The following DENND5B variants were observed in gnomAD, a reference collection of about 807,000 sequenced individuals.
DENND5B encodes the protein DENN domain-containing protein 5B.
DENND5B carries 34 observed loss-of-function variants against 140.6 expected under a neutral mutation model. The ratio of observed to expected loss-of-function variants is 0.24; its 90% confidence interval spans 0.18 to 0.32. The LOEUF is 0.32. DENND5B is among the 10% of genes least tolerant of loss of function. DENND5B has a pLI of 1.00. For synonymous variants in DENND5B, 551 were observed against 562.1 expected (o/e 0.98, Z 0.28); for missense variants, 1,142 against 1,560.2 (o/e 0.73, Z 4.52).
rs546182396 is a variant in DENND5B, at chr12:31,511,084, A to T, written c.128-15165T>A. On this transcript the variant is annotated intron_variant, in intron 1 of 20. Coordinates refer to ENST00000389082, the MANE Select transcript of DENND5B (RefSeq NM_144973.4). ...CCATCTCTGCAAAAAAATTTTTTTTAAAAAATTAGCCAGGCATGGTGGCAT... is the reference window on the plus strand; with the variant it reads ...CCATCTCTGCAAAAAAATTTTTTTTTAAAAATTAGCCAGGCATGGTGGCAT... 2.4e-3 allele frequency among the ~76,000 whole-genome samples: 369 copies of T among 152,128 alleles called. 1 individual carries two copies. The highest frequency in any genetic ancestry group is 3.5e-3 in the Non-Finnish European group (241 of 67,990).
rs1483780891 is a variant in DENND5B at position 31,510,097 on chromosome 12, AAAC to A, written c.128-14181_128-14179del. 5.3e-5 allele frequency among the ~76,000 whole-genome samples: 8 copies of A among 152,294 alleles called. No individual in the cohort carries two copies. In the East Asian group the frequency reaches 1.5e-3, roughly 29 times the overall value. ...GTCCTTGCTAGACTTCGTGTGTCTG[AAAC>A]AACTTTTCCCCTGTAATAATTTTCT... On this transcript the variant is annotated intron_variant, in intron 1 of 20. Transcript: ENST00000389082.
At chr12:31,491,238 A>C (rs1946514632) in intron 2 of DENND5B, among the ~76,000 whole-genome samples, 1 of 152,140 alleles carries the variant, frequency 6.6e-6, no homozygotes, top group Non-Finnish European at 1.5e-5. Context: ...AGATCACTTG[A>C]GGCCAGGAGT....
intron 1 of DENND5B, among the ~76,000 whole-genome samples, chr12:31,552,015 G>C (rs1291790635): frequency 6.6e-6 from 1 of 152,170 alleles, no homozygotes. Flanking sequence ...TGCAAACAGG[G>C]ACAATTTGAC....
intron 8 of DENND5B, chr12:31,432,190 A>G (rs7300106): frequency 0.4 from 360,746 of 905,530 alleles, 72,799 homozygotes; most frequent in East Asian, 0.57. Context: ...CAGGAAAGCA[A>G]AAAAGAAAAG....
intron 1 of DENND5B, among the ~76,000 whole-genome samples, chr12:31,545,971 A>AAAAAAAAAAAAAAAAAATG (rs1948843461): frequency 6.8e-6 from 1 of 148,012 alleles, no homozygotes; most frequent in Non-Finnish European, 1.5e-5. Context: ...AAAAAAAAAA[A>AAAAAAAAAAAAAAAAAATG]GTGGGGGAAT....
At chr12:31,571,233 C>T (rs1046683274) in intron 1 of DENND5B, among the ~76,000 whole-genome samples, 7 of 152,222 alleles carry the variant, frequency 4.6e-5, no homozygotes, top group African/African-American at 1.7e-4. Context: ...ACCGTCTAAA[C>T]ATATTTTCAT....
At chr12:31,442,993 C>T in intron 6 of DENND5B, 68 bp from the exon 7 acceptor site, 1 of 1,411,016 alleles carries the variant, frequency 7.1e-7, no homozygotes, top group Non-Finnish European at 9.6e-7. Flanking sequence ...ATGCTTCCTC[C>T]ACTCATGCAC....
chr12:31,491,961 T>TA (rs763997800), intron 2 of DENND5B, among the ~76,000 whole-genome samples: 2 of 152,216 alleles, frequency 1.3e-5, no homozygotes, highest in African/African-American at 2.4e-5. Context: ...GACAAAGCTT[T>TA]ATATCTTTAG....
chr12:31,392,835 C>A, intron 17 of DENND5B, 139 bp from the exon 18 acceptor site: 3 of 782,320 alleles, frequency 3.8e-6, no homozygotes, highest in East Asian at 2.8e-5. Flanking sequence ...ATAGAACTTG[C>A]CTCTGGCCTG....
intron 1 of DENND5B, 35 bp downstream of exon 1, chr12:31,590,671 G>A: frequency 6.9e-7 from 1 of 1,442,710 alleles, no homozygotes; most frequent in Non-Finnish European, 9.1e-7. Context: ...CCGCGCCCCT[G>A]AGGGGGCTCA....
At chr12:31,514,178 T>C (rs1947531049) in intron 1 of DENND5B, among the ~76,000 whole-genome samples, 1 of 152,118 alleles carries the variant, frequency 6.6e-6, no homozygotes, top group African/African-American at 2.4e-5. Flanking sequence ...TACCTAAATA[T>C]TCAGAAATAG....
At chr12:31,585,067 C>T (rs1950351086) in intron 1 of DENND5B, among the ~76,000 whole-genome samples, 1 of 152,050 alleles carries the variant, frequency 6.6e-6, no homozygotes, top group Admixed American at 6.5e-5. Context: ...AAAGGGAGAA[C>T]TCACCCATTA....
intron 1 of DENND5B, among the ~76,000 whole-genome samples, chr12:31,504,931 G>C (rs926343590): frequency 2.6e-5 from 4 of 152,152 alleles, no homozygotes; most frequent in Non-Finnish European, 2.9e-5. Context: ...AGTTCTCAAA[G>C]TGGAAGAAAG....
At chr12:31,442,384 G>A (rs1239540330) in intron 7 of DENND5B, among the ~76,000 whole-genome samples, 2 of 152,164 alleles carry the variant, frequency 1.3e-5, no homozygotes, top group Non-Finnish European at 2.9e-5. Flanking sequence ...AATAATTTCT[G>A]TTGTTTTAAG....
At chr12:31,485,339 G>A (rs1204818024) in intron 2 of DENND5B, among the ~76,000 whole-genome samples, 1 of 152,188 alleles carries the variant, frequency 6.6e-6, no homozygotes, top group South Asian at 2.1e-4. Flanking sequence ...CAGGGAAAAC[G>A]CTTCCACAAC....
intron 1 of DENND5B, among the ~76,000 whole-genome samples, chr12:31,582,436 A>G (rs183389999): frequency 6.6e-6 from 1 of 152,356 alleles, no homozygotes; most frequent in Admixed American, 6.5e-5. Context: ...TTAAAAAACT[A>G]TAAACTCACC....
At chr12:31,442,393 A>G (rs1944076361) in intron 7 of DENND5B, among the ~76,000 whole-genome samples, 2 of 152,238 alleles carry the variant, frequency 1.3e-5, no homozygotes, top group African/African-American at 4.8e-5. Context: ...TGTTGTTTTA[A>G]GCCACTGAGT....
intron 1 of DENND5B, among the ~76,000 whole-genome samples, chr12:31,586,300 C>T (rs1283253173): frequency 1.6e-4 from 24 of 152,138 alleles, no homozygotes. Flanking sequence ...TTTTCCTTAT[C>T]TTTAATATTT....
At chr12:31,517,771 T>G (rs1947719157) in intron 1 of DENND5B, among the ~76,000 whole-genome samples, 1 of 152,172 alleles carries the variant, frequency 6.6e-6, no homozygotes, top group African/African-American at 2.4e-5. Flanking sequence ...CAGAAGTCCT[T>G]GAATCCAGAG....
Sources: allele counts gnomAD v4.1 joint callset (sites outside exome capture counted in the v4.1 genomes callset), GRCh38; gene constraint gnomAD v4.1.1; transcripts MANE v1.5; gene names NCBI Gene and HGNC (gene_info 2026-07-23, HGNC 2026-07-21).